FYN: variants seen among roughly 807,000 people sequenced by gnomAD.
The protein encoded by FYN is FYN proto-oncogene, Src family tyrosine kinase.
Under a neutral mutation model 70.2 loss-of-function variants are expected in FYN, and 10 were observed. The ratio of observed to expected loss-of-function variants is 0.14; its 90% confidence interval spans 0.09 to 0.24. The LOEUF (loss-of-function observed/expected upper bound fraction) is 0.24. Among genes scored for constraint, FYN ranks in the 10% least tolerant of loss-of-function variants. The pLI is 1.00. For missense variants in FYN, 319 were observed against 673.1 expected (o/e 0.47, Z 5.82); for synonymous variants, 236 against 248.6 (o/e 0.95, Z 0.48).
chr6:111,752,426 G>A (rs1802531346), intron 3 of FYN, among the ~76,000 whole-genome samples: 1 of 152,210 alleles, frequency 6.6e-6, no homozygotes, highest in African/African-American at 2.4e-5. Flanking sequence ...GTGCTAACAG[G>A]AGCTTAGTGG....
At chr6:111,776,221 A>ATGTT (rs1770933261) in intron 3 of FYN, among the ~76,000 whole-genome samples, 1 of 152,198 alleles carries the variant, frequency 6.6e-6, no homozygotes, top group Non-Finnish European at 1.5e-5. Flanking sequence ...ACAAGCCAAC[A>ATGTT]GCAAAGGCAT....
intron 3 of FYN, among the ~76,000 whole-genome samples, chr6:111,727,102 G>A (rs1191816639): frequency 1.3e-5 from 2 of 152,130 alleles, no homozygotes; most frequent in East Asian, 1.9e-4. Context: ...ACTAACGGAG[G>A]CACTGATTTC....
At chr6:111,848,111 AATACT>A (rs1374883096) in intron 1 of FYN, among the ~76,000 whole-genome samples, 1 of 152,254 alleles carries the variant, frequency 6.6e-6, no homozygotes, top group Non-Finnish European at 1.5e-5. Context: ...AGAATAAATC[AATACT>A]ATGAGAACTC....
chr6:111,775,120 C>G (rs1255320124), intron 3 of FYN, among the ~76,000 whole-genome samples: 1 of 152,206 alleles, frequency 6.6e-6, no homozygotes, highest in Non-Finnish European at 1.5e-5. Context: ...GGACCAACCA[C>G]CTGGATCCCA....
At chr6:111,727,444 T>C (rs1286546258) in intron 3 of FYN, among the ~76,000 whole-genome samples, 2 of 152,184 alleles carry the variant, frequency 1.3e-5, no homozygotes, top group East Asian at 3.8e-4. Flanking sequence ...GAGATACACA[T>C]ATAATGCCTC....
intron 3 of FYN, among the ~76,000 whole-genome samples, chr6:111,745,401 C>T (rs1583397741): frequency 6.6e-6 from 1 of 152,218 alleles, no homozygotes; most frequent in East Asian, 1.9e-4. Flanking sequence ...AGAGGATGGG[C>T]ATCTGAGTGG....
At chr6:111,832,527 G>A (rs926263533) in intron 2 of FYN, among the ~76,000 whole-genome samples, 9 of 151,918 alleles carry the variant, frequency 5.9e-5, no homozygotes, top group Admixed American at 1.3e-4. Flanking sequence ...TTCACATTCC[G>A]CATGTGATTT....
chr6:111,869,229 A>G (rs1015416573), intron 1 of FYN, among the ~76,000 whole-genome samples: 1 of 152,250 alleles, frequency 6.6e-6, no homozygotes, highest in Non-Finnish European at 1.5e-5. Context: ...ACTCACAGAC[A>G]AAGAGGGCAG....
At chr6:111,725,140 G>T (rs118051985) in intron 3 of FYN, among the ~76,000 whole-genome samples, 7 of 152,322 alleles carry the variant, frequency 4.6e-5, no homozygotes, top group Admixed American at 1.3e-4. Flanking sequence ...GAGGGCTCTT[G>T]ATCCTCGCAA....
intron 1 of FYN, among the ~76,000 whole-genome samples, chr6:111,848,703 C>T (rs906509531): frequency 3.9e-5 from 6 of 152,128 alleles, no homozygotes; most frequent in African/African-American, 4.8e-5. Context: ...TAAGGATGGA[C>T]GCAAAATAGA....
intron 3 of FYN, among the ~76,000 whole-genome samples, chr6:111,761,831 C>T (rs13218316): frequency 0.12 from 17,671 of 152,128 alleles, 1,401 homozygotes; most frequent in Non-Finnish European, 0.17. Flanking sequence ...CCAGGGTCTC[C>T]TTGTACTTTT....
chr6:111,794,934 A>G (rs1166033561), intron 2 of FYN, among the ~76,000 whole-genome samples: 1 of 152,204 alleles, frequency 6.6e-6, no homozygotes, highest in Non-Finnish European at 1.5e-5. Flanking sequence ...ACTAAGTCAC[A>G]GGCAAGTCCT....
intron 1 of FYN, among the ~76,000 whole-genome samples, chr6:111,851,343 T>C (rs913627516): frequency 1.3e-5 from 2 of 152,230 alleles, no homozygotes; most frequent in African/African-American, 4.8e-5. Flanking sequence ...TTGGAAAATA[T>C]GAAACCCCTG....
intron 3 of FYN, among the ~76,000 whole-genome samples, chr6:111,735,829 G>A (rs549387737): frequency 6.4e-4 from 97 of 152,302 alleles, no homozygotes; most frequent in Non-Finnish European, 1.1e-3. Flanking sequence ...TGGCAAAGCC[G>A]TAGCTTTTGT....
chr6:111,770,618 T>C (rs533708901), intron 3 of FYN, among the ~76,000 whole-genome samples: 1 of 152,308 alleles, frequency 6.6e-6, no homozygotes, highest in South Asian at 2.1e-4. Context: ...TATCTGTGAC[T>C]GGGTAATTCA....
intron 2 of FYN, among the ~76,000 whole-genome samples, chr6:111,782,472 A>G (rs1195107402): frequency 7.9e-5 from 12 of 152,202 alleles, no homozygotes; most frequent in Non-Finnish European, 5.9e-5. Context: ...ACACCTAAGC[A>G]TTCTATATTT....
chr6:111,748,984 A>G (rs970760974), intron 3 of FYN, among the ~76,000 whole-genome samples: 3 of 152,184 alleles, frequency 2.0e-5, no homozygotes, highest in African/African-American at 7.2e-5. Flanking sequence ...TGGCAAACCA[A>G]CTGCACTGCA....
In FYN at chr6:111,873,214, G is replaced by C. The variant is rs1296106535; in HGVS notation, c.-369C>G. ...TGTGCGCCCGGGCGGTCCTCGGTGC[G>C]CTGGGAGAAGCGCGGCGCGCCCGGG... On this transcript the variant is annotated 5_prime_UTR_variant, in exon 1 of 14. Coordinates refer to ENST00000354650, the MANE Select transcript of FYN (RefSeq NM_002037.5). 6.7e-6 allele frequency: 1 copy of C among 148,184 alleles called. No individual in the cohort carries two copies. Among genetic ancestry groups the C allele is most frequent in the Non-Finnish European group, 1.5e-5 (1 of 66,640 alleles). The allele number at this position is 148,184 out of a possible 1,614,324, so 9.2% of individuals were successfully genotyped here.
intron 13 of FYN, among the ~76,000 whole-genome samples, chr6:111,667,155 T>C (rs1798046817): frequency 6.6e-6 from 1 of 152,196 alleles, no homozygotes; most frequent in Admixed American, 6.5e-5. Flanking sequence ...TGTTTTCTTT[T>C]CCCTTTTCTT....
Sources: allele counts gnomAD v4.1 joint callset (sites outside exome capture counted in the v4.1 genomes callset), GRCh38; gene constraint gnomAD v4.1.1; transcripts MANE v1.5; gene names NCBI Gene and HGNC (gene_info 2026-07-23, HGNC 2026-07-21).